ZC3H13: variants seen among roughly 807,000 people sequenced by gnomAD.
ZC3H13 encodes zinc finger CCCH-type containing 13, also known as zinc finger CCCH domain-containing protein 13.
A neutral mutation model predicts 204.1 loss-of-function variants in ZC3H13; 64 were observed. That is an observed-to-expected ratio of 0.31 (90% confidence interval 0.26 to 0.39). The LOEUF is 0.39. Ranked by LOEUF, ZC3H13 falls within the 10% of genes least tolerant of loss-of-function variation. The pLI is 1.00. For synonymous variants in ZC3H13, 667 were observed against 693.7 expected (o/e 0.96, Z 0.60); for missense variants, 1,833 against 2,082.7 (o/e 0.88, Z 2.33).
chr13:45,958,737 G>A (rs1951462503), intron 18 of ZC3H13, among the ~76,000 whole-genome samples: 1 of 145,092 alleles, frequency 6.9e-6, no homozygotes, highest in South Asian at 2.2e-4. Flanking sequence ...CTCACTGCAA[G>A]CTCCGCCTCC....
At chr13:46,041,982 A>G (rs945165813) in intron 4 of ZC3H13, among the ~76,000 whole-genome samples, 182 bp downstream of exon 4, 6 of 152,060 alleles carry the variant, frequency 3.9e-5, no homozygotes, top group Non-Finnish European at 5.9e-5. Flanking sequence ...ACTACCATAA[A>G]GAACTGAACC....
intron 7 of ZC3H13, among the ~76,000 whole-genome samples, chr13:46,008,067 T>A (rs933614810): frequency 2.0e-5 from 3 of 151,928 alleles, no homozygotes; most frequent in Non-Finnish European, 4.4e-5. Flanking sequence ...AAAGTGTAAG[T>A]TTTAATTTGT....
At chr13:45,962,076 G>T in intron 17 of ZC3H13, 2 of 703,142 alleles carry the variant, frequency 2.8e-6, no homozygotes, top group Non-Finnish European at 3.5e-6. Flanking sequence ...AGAAAAATCA[G>T]TATCAATTAT....
At chr13:45,987,683 CAT>C in intron 9 of ZC3H13, among the ~76,000 whole-genome samples, 1 of 152,132 alleles carries the variant, frequency 6.6e-6, no homozygotes, top group Non-Finnish European at 1.5e-5. Context: ...CTAAATTCAA[CAT>C]GTTTCATAGG....
At chr13:46,042,764 C>T (rs1442053793) in intron 3 of ZC3H13, among the ~76,000 whole-genome samples, 1 of 151,950 alleles carries the variant, frequency 6.6e-6, no homozygotes, top group African/African-American at 2.4e-5. Context: ...TTCTTGTATA[C>T]ACATGCCTGT....
In ZC3H13 at chr13:45,961,198, T is replaced by C. The variant is rs144109763; in HGVS notation, c.4676-1552A>G. ...CCAATGATATAGTCATATATGCACA[T>C]GATTAAAAACAAAAACAAAAACATT... On this transcript the variant is annotated intron_variant, in intron 17 of 18. Transcript: ENST00000679008. 6.7e-3 allele frequency among the ~76,000 whole-genome samples: 1,025 copies of C among 152,230 alleles called. 12 individuals are homozygous for C. Among genetic ancestry groups the C allele is most frequent in the African/African-American group, 0.024 (987 of 41,522 alleles).
At chr13:46,020,234 G>C (rs2042143548) in intron 5 of ZC3H13, among the ~76,000 whole-genome samples, 1 of 152,050 alleles carries the variant, frequency 6.6e-6, no homozygotes, top group East Asian at 1.9e-4. Context: ...AACTAGGAAG[G>C]GAAAATAAAA....
chr13:46,020,609 GGTAGTTT>G (rs776012913), intron 4 of ZC3H13, 52 bp from the exon 5 acceptor site: 2 of 1,206,452 alleles, frequency 1.7e-6, no homozygotes, highest in South Asian at 2.8e-5. Context: ...AAAATTATGA[GGTAGTTT>G]ATTGTAATAA....
chr13:46,015,098 TATA>T (rs1230158926), intron 5 of ZC3H13, among the ~76,000 whole-genome samples: 13 of 152,286 alleles, frequency 8.5e-5, no homozygotes, highest in African/African-American at 3.1e-4. Context: ...TGAAAATAAG[TATA>T]ATTTCTATTT....
intron 10 of ZC3H13, among the ~76,000 whole-genome samples, chr13:45,982,024 TAAAA>T (rs1437875452): frequency 6.8e-6 from 1 of 147,404 alleles, no homozygotes; most frequent in Non-Finnish European, 1.5e-5. Flanking sequence ...ATAATAATAA[TAAAA>T]TAATAAATAA....
Position 45,969,269 on chromosome 13 carries a change from C to CTACCAGGAGTCGTGGCGGTGGCAGT in ZC3H13, c.3250_3274dup (p.Ser1092AsnfsTer9). 6.2e-7 allele frequency: 1 copy of CTACCAGGAGTCGTGGCGGTGGCAGT among 1,613,996 alleles called. No individual in the cohort carries two copies. Among genetic ancestry groups the CTACCAGGAGTCGTGGCGGTGGCAGT allele is most frequent in the Non-Finnish European group, 8.5e-7 (1 of 1,180,010 alleles). On this transcript the variant is annotated stop_gained and frameshift_variant, in exon 14 of 19. Transcript: ENST00000679008. LOFTEE classifies it high-confidence loss of function. ...AAGAGAAGATAGAGGAGAAGGGGTA[C>CTACCAGGAGTCGTGGCGGTGGCAGT]TACCAGGAGTCGTGGCGGTGGCAGT... is the stretch of plus-strand genomic sequence containing the variant.
chr13:45,981,271 G>A (rs1467844131), intron 10 of ZC3H13, among the ~76,000 whole-genome samples: 1 of 152,100 alleles, frequency 6.6e-6, no homozygotes, highest in Non-Finnish European at 1.5e-5. Flanking sequence ...AAGAACATAT[G>A]ATGATTTCCA....
rs776679840 is a variant in ZC3H13, at chr13:45,975,353, G to A, written c.2398C>T (p.Arg800Cys). ...WEDKDKGRDD[R>C]REKREEIRED... is the part of the protein sequence containing the mutation. ...CGGATCTCTTCTCGCTTTTCTCTGC[G>A]GTCATCTCGTCCTTTGTCTTTGTCT... is the stretch of plus-strand genomic sequence containing the variant. Residue 800 changes from arginine (R) to cysteine (C), a missense_variant, in exon 12 of 19, where the codon CGC becomes TGC. Coordinates refer to ENST00000679008, the MANE Select transcript of ZC3H13 (RefSeq NM_001330564.2). The A allele has an allele frequency of 1.1e-5, 18 of 1,613,566 alleles. No individual in the cohort carries two copies. Among genetic ancestry groups the A allele is most frequent in the Admixed American group, 1.7e-5 (1 of 59,936 alleles).
chr13:46,026,499 C>A (rs1050492447), intron 4 of ZC3H13, among the ~76,000 whole-genome samples: 1 of 151,700 alleles, frequency 6.6e-6, no homozygotes, highest in Non-Finnish European at 1.5e-5. Context: ...AAACCAAGAA[C>A]TAGAAAATAC....
chr13:45,990,055 C>G (rs540100503), intron 8 of ZC3H13, among the ~76,000 whole-genome samples: 132 of 152,248 alleles, frequency 8.7e-4, no homozygotes, highest in African/African-American at 3.1e-3. Flanking sequence ...AGTGATGGCA[C>G]AAATCATTAC....
intron 9 of ZC3H13, among the ~76,000 whole-genome samples, chr13:45,986,709 T>A (rs1450107961): frequency 6.6e-6 from 1 of 152,214 alleles, no homozygotes; most frequent in African/African-American, 2.4e-5. Context: ...GCCCTTTTTA[T>A]CAGATTCTTC....
rs1951285318 is a variant in ZC3H13 at position 45,956,537 on chromosome 13, C to T, written c.*590G>A. On this transcript the variant is annotated 3_prime_UTR_variant, in exon 19 of 19. Transcript: ENST00000679008. ...TTAGGGTCAAAAGACATCCAACATA[C>T]ATTGTAACAATGCACACATATTAAT... The T allele has an allele frequency of 6.6e-6, 1 of 152,078 alleles. No homozygotes were observed. The highest frequency in any genetic ancestry group is 1.9e-4 in the East Asian group (1 of 5,198). 9.4% of individuals were successfully genotyped at this position (152,078 alleles called of 1,614,324 possible).
In ZC3H13 at chr13:45,970,438, G is replaced by A. The variant is rs770548184; in HGVS notation, c.2496C>T (p.Pro832=). The A allele has an allele frequency of 3.7e-6, 6 of 1,613,014 alleles. No individual in the cohort carries two copies. The African/African-American group carries it at 6.7e-5, about 18-fold the overall frequency. ...GGCGCTTCGGGGACTGTCTAGGGCT[G>A]GGACTCCCTTCATTTCTATAGCGCT... ...SKKRYRNEGS[P]SPRQSPKRRR... is the part of the protein sequence containing the mutation. Residue 832 remains proline, a synonymous_variant, in exon 13 of 19, where the codon CCC becomes CCT. Transcript: ENST00000679008.
chr13:46,046,302 T>C (rs189855865), intron 1 of ZC3H13, among the ~76,000 whole-genome samples: 10 of 152,200 alleles, frequency 6.6e-5, no homozygotes, highest in African/African-American at 2.4e-4. Flanking sequence ...AAAAGGCAAA[T>C]TGTAAAAATA....
Sources: gnomAD v4.1 joint callset for allele counts (sites outside exome capture counted in the v4.1 genomes callset) on GRCh38, gnomAD v4.1.1 for gene constraint, MANE v1.5 for transcripts, NCBI Gene and HGNC (gene_info 2026-07-23, HGNC 2026-07-21) for gene names.